The following CDH3 variants were observed in gnomAD, a reference collection of about 807,000 sequenced individuals.
CDH3 encodes cadherin-3.
Under a neutral mutation model 82.0 loss-of-function variants are expected in CDH3, and 54 were observed. The ratio of observed to expected loss-of-function variants is 0.66; its 90% CI spans 0.53 to 0.83. The LOEUF is 0.83. Ranked by LOEUF, CDH3 falls within the 40% of genes least tolerant of loss-of-function variation. The pLI is 0.00. For synonymous variants in CDH3, 446 were observed against 437.9 expected, an observed-to-expected ratio of 1.02 and a Z score of -0.23; for missense variants, 1,054 against 1,084.6, an observed-to-expected ratio of 0.97 and a Z score of 0.40.
Position 68,678,596 on chromosome 16 carries a change from G to A in CDH3, c.486G>A (p.Lys162=). Residue 162 remains lysine, a synonymous_variant, in exon 5 of 16, where the codon AAG becomes AAA. Transcript: ENST00000264012. Reference sequence around the variant, plus strand: ...CTGAGGGTGTCTTCGCTGTAGAGAAGGAGACAGGCTGGTTGTTGTTGAATA... The same window carrying A: ...CTGAGGGTGTCTTCGCTGTAGAGAAAGAGACAGGCTGGTTGTTGTTGAATA... ...SPPEGVFAVE[K]ETGWLLLNKP... is the part of the protein sequence containing the mutation. 1 of 1,614,236 alleles carries A rather than the reference G, an allele frequency of 6.2e-7. No homozygotes were observed. The highest frequency in any genetic ancestry group is 1.1e-5 in the South Asian group (1 of 91,082).
intron 4 of CDH3, 48 bp from the exon 5 acceptor site, chr16:68,678,453 C>T (rs770829974): frequency 6.2e-6 from 10 of 1,611,538 alleles, no homozygotes; most frequent in Non-Finnish European, 8.5e-6. Context: ...TTGTCACAGT[C>T]ATGGGATATT....
intron 1 of CDH3, among the ~76,000 whole-genome samples, chr16:68,710,099 C>T (rs1328554160): frequency 6.6e-6 from 1 of 152,206 alleles, no homozygotes; most frequent in Admixed American, 6.5e-5. Flanking sequence ...GGGAAGGAAC[C>T]CACAGGAGAT....
intron 2 of CDH3, among the ~76,000 whole-genome samples, chr16:68,658,625 C>G (rs776284209): frequency 9.9e-5 from 15 of 152,150 alleles, no homozygotes; most frequent in Non-Finnish European, 1.5e-4. Flanking sequence ...GAAACAGCAA[C>G]TTGTGAGCTC....
chr16:68,660,170 C>A (rs1960522713), intron 2 of CDH3, among the ~76,000 whole-genome samples: 1 of 152,212 alleles, frequency 6.6e-6, no homozygotes, highest in Non-Finnish European at 1.5e-5. Flanking sequence ...TTCATCTTAA[C>A]ATCATCCAGA....
intron 2 of CDH3, among the ~76,000 whole-genome samples, chr16:68,648,450 C>CTTT (rs112124775): frequency 4.2e-5 from 6 of 143,454 alleles, no homozygotes; most frequent in African/African-American, 1.3e-4. Context: ...AGTTCCCTGG[C>CTTT]TTTTTTTTTT....
intron 2 of CDH3, among the ~76,000 whole-genome samples, chr16:68,654,732 A>ATATT (rs1555504523): frequency 2.8e-4 from 39 of 138,510 alleles, no homozygotes; most frequent in African/African-American, 1.0e-3. Flanking sequence ...ATATATATAT[A>ATATT]TATTTATTTT....
At position 68,678,159 on chromosome 16, in the gene CDH3, A is replaced by T. The variant is rs764758443; in HGVS notation, c.272A>T (p.Asn91Ile). 6.2e-7 allele frequency: 1 copy of T among 1,614,072 alleles called. No individual in the cohort carries two copies. Among genetic ancestry groups the T allele is most frequent in the Non-Finnish European group, 8.5e-7 (1 of 1,179,930 alleles). Residue 91 changes from asparagine (N) to isoleucine (I), a missense_variant, in exon 4 of 16, where the codon AAT becomes ATT. Physicochemically the swap from Asn to Ile is moderately radical, Grantham distance 149. Coordinates refer to ENST00000264012, the MANE Select transcript of CDH3 (RefSeq NM_001793.6). ...VQERRSLKER[N>I]PLKIFPSKRI... ...GAAAGAAGGTCACTGAAGGAAAGGA[A>T]TCCATTGAAGATCTTCCCATCCAAA... is the stretch of plus-strand genomic sequence containing the variant.
chr16:68,693,467 G>A (rs28702536), intron 13 of CDH3, among the ~76,000 whole-genome samples: 6,500 of 152,204 alleles, frequency 0.043, 451 homozygotes, highest in African/African-American at 0.15. Context: ...AAGACCCATG[G>A]ATGATCGCAA....
downstream of CDH3, among the ~76,000 whole-genome samples, chr16:68,703,461 C>G (rs1292150326): frequency 6.6e-6 from 1 of 152,232 alleles, no homozygotes; most frequent in African/African-American, 2.4e-5. Context: ...ACAGCCCACA[C>G]CCTGTGTGTC....
At chr16:68,720,057 TGAGG>T (rs990068716) in intron 1 of CDH3, among the ~76,000 whole-genome samples, 3 of 152,028 alleles carry the variant, frequency 2.0e-5, no homozygotes, top group Non-Finnish European at 4.4e-5. Flanking sequence ...CTTGGGAGGC[TGAGG>T]TGGGAGGATC....
At chr16:68,698,012 C>A in intron 15 of CDH3, 179 bp from the exon 16 acceptor site, 1 of 691,100 alleles carries the variant, frequency 1.4e-6, no homozygotes, top group Non-Finnish European at 2.6e-6. Context: ...TTGCACTGAG[C>A]ACTTGCTGTC....
chr16:68,726,762 G>T (rs1016870500), intron 2 of CDH3, among the ~76,000 whole-genome samples: 1 of 151,924 alleles, frequency 6.6e-6, no homozygotes, highest in Non-Finnish European at 1.5e-5. Flanking sequence ...GGTATTTTTA[G>T]TAGAGACGGG....
downstream of CDH3, among the ~76,000 whole-genome samples, chr16:68,728,276 C>T (rs1470038273): frequency 6.6e-6 from 1 of 152,156 alleles, no homozygotes; most frequent in East Asian, 1.9e-4. Context: ...TGCCATTCTC[C>T]TGCCTCAGCC....
chr16:68,733,075 A>G, the CDH3 span, among the ~76,000 whole-genome samples: 1 of 152,176 alleles, frequency 6.6e-6, no homozygotes, highest in African/African-American at 2.4e-5. Flanking sequence ...AGTGTTTACA[A>G]GAACCTTATG....
At chr16:68,694,622 CAA>C (rs11328814) in intron 13 of CDH3, among the ~76,000 whole-genome samples, 80,270 of 141,764 alleles carry the variant, frequency 0.57, 22,169 homozygotes, top group Middle Eastern at 0.61. Context: ...GACTCTGTCT[CAA>C]AAAAAAAAAA....
chr16:68,689,391 C>G (rs1961501515), intron 12 of CDH3, among the ~76,000 whole-genome samples: 1 of 152,032 alleles, frequency 6.6e-6, no homozygotes, highest in African/African-American at 2.4e-5. Context: ...AAATAATTAG[C>G]CAGGCGTGGT....
At chr16:68,692,846 T>G (rs1225073791) in intron 13 of CDH3, among the ~76,000 whole-genome samples, 1 of 152,224 alleles carries the variant, frequency 6.6e-6, no homozygotes, top group Non-Finnish European at 1.5e-5. Flanking sequence ...GGCTCACACT[T>G]GTAATCCCAA....
Position 68,698,351 on chromosome 16 carries a change from G to A in CDH3, c.2441G>A (p.Ser814Asn), listed in dbSNP as rs1435188983. The part of the protein sequence containing the change: ...QDYDYLNEWG[S>N]RFKKLADMYG... ...TACGATTATCTGAACGAGTGGGGCA[G>A]CCGCTTCAAGAAGCTGGCAGACATG... Residue 814 changes from serine (S) to asparagine (N), a missense_variant, in exon 16 of 16, where the codon AGC becomes AAC. Coordinates refer to ENST00000264012, the MANE Select transcript of CDH3 (RefSeq NM_001793.6). The A allele has an allele frequency of 1.2e-6, 2 of 1,614,238 alleles. No individual in the cohort carries two copies. The highest frequency in any genetic ancestry group is 1.7e-5 in the Admixed American group (1 of 60,022).
In CDH3 at chr16:68,682,314, G is replaced by A; in HGVS notation, c.1009G>A (p.Val337Met). 6.2e-7 allele frequency: 1 copy of A among 1,613,844 alleles called. No individual in the cohort carries two copies. The highest frequency in any genetic ancestry group is 1.1e-5 in the South Asian group (1 of 91,066). ...CTCACACTGACAGTACGAGGCCCAT[G>A]TGCCTGAGAATGCAGTGGGCCATGA... Reference protein sequence around the residue: ...MFDPQKYEAHVPENAVGHEVQ... With the variant: ...MFDPQKYEAHMPENAVGHEVQ... Residue 337 changes from valine to methionine, a missense_variant, in exon 9 of 16, where the codon GTG becomes ATG. Val to Met is a conservative substitution (Grantham distance 21). Transcript: ENST00000264012.
Sources: allele counts gnomAD v4.1 joint callset (sites outside exome capture counted in the v4.1 genomes callset), GRCh38; gene constraint gnomAD v4.1.1; transcripts MANE v1.5; gene names NCBI Gene and HGNC (gene_info 2026-07-23, HGNC 2026-07-21).